The following CCM2 variants were observed in gnomAD, a reference collection of about 807,000 sequenced individuals.
CCM2 encodes the protein CCM2 scaffold protein, also known as cerebral cavernous malformations 2 protein.
Under a neutral mutation model 44.9 loss-of-function variants are expected in CCM2, and 25 were observed. That is an observed-to-expected ratio of 0.56 (90% CI 0.41 to 0.78). CCM2 has a LOEUF of 0.78. Ranked by LOEUF, CCM2 falls within the 30% of genes least tolerant of loss-of-function variation. The pLI is 0.00. For synonymous variants in CCM2, 219 were observed against 241.1 expected (o/e 0.91, Z 0.85); for missense variants, 481 against 580.6 (o/e 0.83, Z 1.76).
intron 1 of CCM2, among the ~76,000 whole-genome samples, chr7:45,012,240 T>G (rs1464643007): frequency 6.6e-6 from 1 of 151,486 alleles, no homozygotes; most frequent in Non-Finnish European, 1.5e-5. Context: ...TTCAAGTGAT[T>G]CTCCTGTCTC....
intron 1 of CCM2, among the ~76,000 whole-genome samples, chr7:45,030,615 A>G (rs1020654912): frequency 2.0e-5 from 3 of 152,034 alleles, no homozygotes; most frequent in African/African-American, 4.8e-5. Flanking sequence ...AGGTCTCGCT[A>G]TGTTGTCCAG....
chr7:45,056,047 T>G (rs934573394), intron 2 of CCM2, among the ~76,000 whole-genome samples: 1 of 152,242 alleles, frequency 6.6e-6, no homozygotes, highest in Non-Finnish European at 1.5e-5. Context: ...AATATTTCAT[T>G]GTATGTGTAG....
In CCM2 at chr7:45,000,347, G is replaced by T; in HGVS notation, c.14G>T (p.Gly5Val). Residue 5 changes from glycine (G) to valine (V), a missense_variant, in exon 1 of 10, where the codon GGC (glycine) becomes GTC (valine). Gly to Val is a moderately radical substitution (Grantham distance 109). Coordinates refer to ENST00000258781, the MANE Select transcript of CCM2 (RefSeq NM_031443.4). Reference sequence around the variant, plus strand: ...GCACGCGGCGATATGGAAGAGGAGGGCAAGAAGGGCAAGAAGGTGAGCGTG... The same window carrying T: ...GCACGCGGCGATATGGAAGAGGAGGTCAAGAAGGGCAAGAAGGTGAGCGTG... MEEE[G>V]KKGKKPGIVS... 7.7e-7 allele frequency: 1 copy of T among 1,302,070 alleles called. No homozygotes were observed. 80.7% of individuals were successfully genotyped at this position (1,302,070 alleles called of 1,614,324 possible). A position where few individuals can be genotyped will look rare whatever the true frequency, so the allele number is the denominator to read the frequency against.
At position 45,068,469 on chromosome 7, in the gene CCM2, C is replaced by T; in HGVS notation, c.499C>T (p.Gln167Ter). Residue 167 changes from glutamine to a stop codon, truncating the protein, a stop_gained, in exon 5 of 10, where the codon CAG becomes TAG. Transcript: ENST00000258781. LOFTEE classifies it high-confidence loss of function. The stretch of plus-strand genomic sequence containing the variant: ...CCAGGACCCAGGGATCTCCCCCAGC[C>T]AGAGTCTGTGTGCGGAAAGTTCCAG... ...TAQDPGISPS[Q>*]SLCAESSRGL... The T allele has an allele frequency of 6.2e-7, 1 of 1,614,210 alleles. No homozygotes were observed. Among genetic ancestry groups the T allele is most frequent in the East Asian group, 2.2e-5 (1 of 44,882 alleles).
At chr7:45,019,587 C>G (rs1444847377) in intron 1 of CCM2, among the ~76,000 whole-genome samples, 1 of 152,088 alleles carries the variant, frequency 6.6e-6, no homozygotes, top group Non-Finnish European at 1.5e-5. Flanking sequence ...GAGCTAAAAT[C>G]TCAGCTTTTT....
intron 4 of CCM2, 49 bp from the exon 5 acceptor site, chr7:45,068,394 C>T (rs752071985): frequency 6.2e-6 from 10 of 1,613,158 alleles, no homozygotes; most frequent in Non-Finnish European, 8.5e-6. Context: ...CAAGTGCCCC[C>T]ATGCCTGCCC....
intron 1 of CCM2, among the ~76,000 whole-genome samples, chr7:45,012,114 T>C (rs1286290967): frequency 6.7e-6 from 1 of 150,144 alleles, no homozygotes; most frequent in Non-Finnish European, 1.5e-5. Flanking sequence ...TACATACACA[T>C]TTAGGATCAT....
chr7:45,043,436 G>A (rs553658254), intron 2 of CCM2, among the ~76,000 whole-genome samples: 1 of 152,296 alleles, frequency 6.6e-6, no homozygotes, highest in African/African-American at 2.4e-5. Flanking sequence ...TACTGTGGCT[G>A]TGAGAATAAA....
At chr7:45,022,182 A>G (rs1025437692) in intron 1 of CCM2, among the ~76,000 whole-genome samples, 1 of 152,026 alleles carries the variant, frequency 6.6e-6, no homozygotes, top group African/African-American at 2.4e-5. Flanking sequence ...GTGAATGTGA[A>G]GCAATGAGAA....
chr7:45,006,344 T>TTA (rs1554355401), intron 1 of CCM2, among the ~76,000 whole-genome samples: 2 of 150,414 alleles, frequency 1.3e-5, no homozygotes, highest in African/African-American at 4.9e-5. Context: ...TTTTTTTTTT[T>TTA]ATTTGTTTTT....
chr7:45,073,120 G>A (rs752233959), intron 7 of CCM2: 179 of 578,910 alleles, frequency 3.1e-4, no homozygotes, highest in East Asian at 8.2e-4. Flanking sequence ...ACCACCTGGG[G>A]CTCTGTAGTA....
intron 2 of CCM2, among the ~76,000 whole-genome samples, chr7:45,051,254 G>T (rs1797987958): frequency 6.6e-6 from 1 of 152,122 alleles, no homozygotes; most frequent in Non-Finnish European, 1.5e-5. Flanking sequence ...ACCCACTGGG[G>T]ACATAGCACC....
intron 2 of CCM2, among the ~76,000 whole-genome samples, chr7:45,063,609 A>C (rs890266503): frequency 2.0e-5 from 3 of 152,210 alleles, no homozygotes; most frequent in Non-Finnish European, 4.4e-5. Flanking sequence ...TCCCTGTTTT[A>C]GAATACAGAT....
At chr7:45,004,994 C>A (rs1199990593) in intron 1 of CCM2, among the ~76,000 whole-genome samples, 1 of 71,844 alleles carries the variant, frequency 1.4e-5, no homozygotes, top group Non-Finnish European at 2.6e-5. Context: ...AAGACTCCGT[C>A]TCAAAAAAAA....
At chr7:45,050,038 T>C (rs1322617108) in intron 2 of CCM2, among the ~76,000 whole-genome samples, 1 of 152,224 alleles carries the variant, frequency 6.6e-6, no homozygotes, top group Non-Finnish European at 1.5e-5. Context: ...ATGACAATGG[T>C]CCCATGAGAT....
intron 1 of CCM2, 132 bp from the exon 2 acceptor site, chr7:45,038,121 G>A (rs1797314184): frequency 9.4e-7 from 1 of 1,069,136 alleles, no homozygotes; most frequent in East Asian, 2.5e-5. Flanking sequence ...TTTCTCACCA[G>A]TCTGGCAGTC....
At chr7:45,071,997 T>C (rs1799101663) in intron 6 of CCM2, 1 of 378,432 alleles carries the variant, frequency 2.6e-6, no homozygotes, top group East Asian at 7.4e-5. Context: ...TTGTTCCTAG[T>C]GCCAGAAATG....
intron 1 of CCM2, among the ~76,000 whole-genome samples, chr7:45,024,812 C>T (rs1013372042): frequency 6.6e-6 from 1 of 152,068 alleles, no homozygotes; most frequent in South Asian, 2.1e-4. Context: ...ACCTAAGATT[C>T]TCTTGAAATT....
chr7:45,043,163 T>G (rs536454496), intron 2 of CCM2, among the ~76,000 whole-genome samples: 1 of 151,914 alleles, frequency 6.6e-6, no homozygotes. Flanking sequence ...AGAGATGAGG[T>G]CTCACTGTGT....
Sources: gnomAD v4.1 joint callset for allele counts (sites outside exome capture counted in the v4.1 genomes callset) on GRCh38, gnomAD v4.1.1 for gene constraint, MANE v1.5 for transcripts, NCBI Gene and HGNC (gene_info 2026-07-23, HGNC 2026-07-21) for gene names.